Variants in TM4SF1 observed in about 807,000 individuals in gnomAD.
TM4SF1 encodes the protein transmembrane 4 L6 family member 1.
Under a neutral mutation model 24.5 loss-of-function variants are expected in TM4SF1, and 20 were observed. The observed-to-expected ratio is 0.82, with a 90% confidence interval of 0.57 to 1.19. The LOEUF (loss-of-function observed/expected upper bound fraction) is 1.19, where lower values mean the gene tolerates loss of function less well. Among genes scored for constraint, TM4SF1 ranks in the 50% most tolerant of loss-of-function variants. TM4SF1 has a pLI of 0.00. For missense variants in TM4SF1, 258 were observed against 248.1 expected, an observed-to-expected ratio of 1.04 and a Z score of -0.27; for synonymous variants, 107 against 95.4, an observed-to-expected ratio of 1.12 and a Z score of -0.71.
At chr3:149,374,567 T>C (rs1024711502) in intron 3 of TM4SF1, among the ~76,000 whole-genome samples, 1 of 151,958 alleles carries the variant, frequency 6.6e-6, no homozygotes, top group Non-Finnish European at 1.5e-5. Context: ...TCTGGATAAC[T>C]GATAAAAAAA....
chr3:149,373,411 CAT>C (rs1174288781), intron 3 of TM4SF1, among the ~76,000 whole-genome samples: 1 of 152,200 alleles, frequency 6.6e-6, no homozygotes, highest in Non-Finnish European at 1.5e-5. Flanking sequence ...ATAATACAAT[CAT>C]GTGGGAAAAT....
Position 149,369,705 on chromosome 3 carries a change from C to T in TM4SF1, c.*161G>A. 5.2e-6 allele frequency: 4 copies of T among 772,276 alleles called. No homozygotes were observed. The highest frequency in any genetic ancestry group is 8.0e-6 in the Non-Finnish European group (4 of 498,232). 47.8% of individuals were successfully genotyped at this position (772,276 alleles called of 1,614,324 possible). On this transcript the variant is annotated 3_prime_UTR_variant, in exon 5 of 5. Coordinates refer to ENST00000305366, the MANE Select transcript of TM4SF1 (RefSeq NM_014220.3). ...AAAAAAGAAGTTTACTAAATTTAAA[C>T]ACTGACATCCTGTGAAGATGCCAGT...
chr3:149,372,051 G>C (rs993964008), intron 3 of TM4SF1, among the ~76,000 whole-genome samples, 184 bp from the exon 4 acceptor site: 2 of 152,130 alleles, frequency 1.3e-5, no homozygotes, highest in Non-Finnish European at 2.9e-5. Flanking sequence ...CTACTGTAAT[G>C]ATAAACATAA....
chr3:149,374,001 A>G (rs1203267694), intron 3 of TM4SF1, among the ~76,000 whole-genome samples: 1 of 152,238 alleles, frequency 6.6e-6, no homozygotes, highest in East Asian at 1.9e-4. Flanking sequence ...GATTGATCAC[A>G]GTTTTGAACA....
chr3:149,377,483 A>G lies in TM4SF1; in HGVS notation c.65T>C (p.Ile22Thr). 2 of 1,614,196 alleles carry G rather than the reference A, an allele frequency of 1.2e-6. No homozygotes were observed. Among genetic ancestry groups the G allele is most frequent in the Non-Finnish European group, 1.7e-6 (2 of 1,180,048 alleles). ...AAAGTAAAGCAAAATATTAGCCGCG[A>G]TGCACAGGAGGGCGAGCCCCACCAG... ...HSLVGLALLC[I>T]AANILLYFPN... Residue 22 changes from isoleucine (I) to threonine (T), a missense_variant, in exon 1 of 5, where the codon ATC becomes ACC. Ile to Thr is a moderately conservative substitution (Grantham distance 89, BLOSUM62 -1). Transcript: ENST00000305366.
chr3:149,372,975 A>G (rs6440604), intron 3 of TM4SF1, among the ~76,000 whole-genome samples: 129,730 of 152,228 alleles, frequency 0.85, 55,386 homozygotes, highest in Admixed American at 0.87. Flanking sequence ...AAAGGAAGAG[A>G]CAAGTCACAA....
rs1269159064 is a variant in TM4SF1, at chr3:149,369,069, A to G, written c.*797T>C. The G allele has an allele frequency of 2.6e-5, 4 of 151,948 alleles. No individual in the cohort carries two copies. Among genetic ancestry groups the G allele is most frequent in the Non-Finnish European group, 2.9e-5 (2 of 68,000 alleles). The allele number at this position is 151,948 out of a possible 1,614,324, so 9.4% of individuals were successfully genotyped here. A position where few individuals can be genotyped will look rare whatever the true frequency, so the allele number is the denominator to read the frequency against. ...TTGTAAACAAGTTAGTTTTGAGGGT[A>G]TTTCCTCGTGGTCCTCCTGCCGTCA... On this transcript the variant is annotated 3_prime_UTR_variant, in exon 5 of 5. Transcript: ENST00000305366.
intron 4 of TM4SF1, chr3:149,371,169 AG>A (rs1157329479): frequency 6.5e-6 from 1 of 154,654 alleles, no homozygotes; most frequent in Non-Finnish European, 1.4e-5. Flanking sequence ...CCAAACAGCA[AG>A]TGTGGAATAC....
chr3:149,369,253 C>G lies in TM4SF1; in HGVS notation c.*613G>C, dbSNP rs761718495. 1 of 152,302 alleles carries G rather than the reference C, an allele frequency of 6.6e-6. No individual in the cohort carries two copies. The highest frequency in any genetic ancestry group is 2.4e-5 in the African/African-American group (1 of 41,448). 9.4% of individuals were successfully genotyped at this position (152,302 alleles called of 1,614,324 possible). A position where few individuals can be genotyped will look rare whatever the true frequency, so the allele number is the denominator to read the frequency against. On this transcript the variant is annotated 3_prime_UTR_variant, in exon 5 of 5. Transcript: ENST00000305366. Reference sequence around the variant, plus strand: ...TTCCATATGTTAGAAAAATTTGAATCTCATAGTACTCACAACAATGAGCAG... The same window carrying G: ...TTCCATATGTTAGAAAAATTTGAATGTCATAGTACTCACAACAATGAGCAG...
Position 149,375,530 on chromosome 3 carries a change from A to G in TM4SF1, c.326T>C (p.Ile109Thr), listed in dbSNP as rs781514725. The G allele has an allele frequency of 8.1e-6, 13 of 1,614,118 alleles. No individual in the cohort carries two copies. The highest frequency in any genetic ancestry group is 1.1e-5 in the Non-Finnish European group (13 of 1,180,042). Residue 109 changes from isoleucine (I) to threonine (T), a missense_variant, in exon 3 of 5, where the codon ATT (isoleucine) becomes ACT (threonine). Physicochemically the swap from Ile to Thr is moderately conservative, Grantham distance 89. Transcript: ENST00000305366. ...TTCTGCTAAGCCAAGGGCTGCCACAATGACACAGTAGCCAGATCCTGCAAT... is the reference window on the plus strand; with the variant it reads ...TTCTGCTAAGCCAAGGGCTGCCACAGTGACACAGTAGCCAGATCCTGCAAT... ...IGIAGSGYCV[I>T]VAALGLAEGP... is the part of the protein sequence containing the mutation.
rs145941954 is a variant in TM4SF1 at position 149,374,973 on chromosome 3, G to A, written c.413+470C>T. Among the ~76,000 whole-genome samples, 890 of 152,282 alleles carry A rather than the reference G, an allele frequency of 5.8e-3. 14 individuals are homozygous for A. Among genetic ancestry groups the A allele is most frequent in the East Asian group, 0.035 (183 of 5,180 alleles). ...ATGCTAACTGCCACTTTCTGGCAACGTGACCTTGGATGAATTACTCCATCT... is the reference window on the plus strand; with the variant it reads ...ATGCTAACTGCCACTTTCTGGCAACATGACCTTGGATGAATTACTCCATCT... On this transcript the variant is annotated intron_variant, in intron 3 of 4. Transcript: ENST00000305366.
At chr3:149,376,705 TCA>T (rs1731962906) in intron 1 of TM4SF1, among the ~76,000 whole-genome samples, 1 of 152,224 alleles carries the variant, frequency 6.6e-6, no homozygotes, top group Non-Finnish European at 1.5e-5. Flanking sequence ...TTAAGTTTGC[TCA>T]CATTCTTTCC....
At chr3:149,377,292 A>G in intron 1 of TM4SF1, 79 bp downstream of exon 1, 1 of 1,521,080 alleles carries the variant, frequency 6.6e-7, no homozygotes, top group Non-Finnish European at 8.8e-7. Context: ...TATGCATTAC[A>G]AAAAACTTTC....
Position 149,369,441 on chromosome 3 carries a change from A to G in TM4SF1, c.*425T>C, listed in dbSNP as rs1560001202. On this transcript the variant is annotated 3_prime_UTR_variant, in exon 5 of 5. Transcript: ENST00000305366. ...GAAACATCATACAAGCAGTGAAAAC[A>G]AAAATCTTTCCAGGTTGTCGGATTT... The G allele has an allele frequency of 6.1e-6, 1 of 162,610 alleles. No individual in the cohort carries two copies. The highest frequency in any genetic ancestry group is 1.3e-5 in the Non-Finnish European group (1 of 75,886). 10.1% of individuals were successfully genotyped at this position (162,610 alleles called of 1,614,324 possible).
chr3:149,372,408 G>C (rs941227332), intron 3 of TM4SF1, among the ~76,000 whole-genome samples: 2 of 148,194 alleles, frequency 1.3e-5, no homozygotes, highest in Non-Finnish European at 3.0e-5. Context: ...CTTTAGGCTA[G>C]TTTTTTTTTT....
chr3:149,372,796 C>T (rs2108377844), intron 3 of TM4SF1, among the ~76,000 whole-genome samples: 1 of 152,258 alleles, frequency 6.6e-6, no homozygotes, highest in South Asian at 2.1e-4. Context: ...GCTGATAGCT[C>T]TTCACTTTCA....
At chr3:149,372,293 T>G (rs969658469) in intron 3 of TM4SF1, among the ~76,000 whole-genome samples, 8 of 152,202 alleles carry the variant, frequency 5.3e-5, no homozygotes, top group Non-Finnish European at 8.8e-5. Flanking sequence ...AAGTAGAGTA[T>G]GTGTAGGTGT....
At chr3:149,376,538 A>G (rs951936697) in intron 1 of TM4SF1, among the ~76,000 whole-genome samples, 2 of 152,208 alleles carry the variant, frequency 1.3e-5, no homozygotes, top group African/African-American at 4.8e-5. Flanking sequence ...ATCTCATTAA[A>G]TAAATAATTT....
chr3:149,373,254 A>G (rs1209229804), intron 3 of TM4SF1, among the ~76,000 whole-genome samples: 1 of 152,240 alleles, frequency 6.6e-6, no homozygotes, highest in Non-Finnish European at 1.5e-5. Context: ...TCAGCAAACC[A>G]TACTGAGGTG....
Sources: allele counts gnomAD v4.1 joint callset (sites outside exome capture counted in the v4.1 genomes callset), GRCh38; gene constraint gnomAD v4.1.1; transcripts MANE v1.5; gene names NCBI Gene and HGNC (gene_info 2026-07-23, HGNC 2026-07-21).